PRICKLE1: variants seen among roughly 807,000 people sequenced by gnomAD.
PRICKLE1 encodes the protein prickle planar cell polarity protein 1.
A neutral mutation model predicts 70.2 loss-of-function variants in PRICKLE1; 14 were observed. The ratio of observed to expected loss-of-function variants is 0.20; its 90% CI spans 0.13 to 0.31. PRICKLE1 has a LOEUF of 0.31. Among genes scored for constraint, PRICKLE1 ranks in the 10% least tolerant of loss-of-function variants. The probability of loss-of-function intolerance (pLI) is 1.00; values close to 1 mark genes in which losing one functional copy is unlikely to be tolerated. For missense variants in PRICKLE1, 821 were observed against 1,026.2 expected, an observed-to-expected ratio of 0.80 and a Z score of 2.73; for synonymous variants, 357 against 379.9, an observed-to-expected ratio of 0.94 and a Z score of 0.70.
chr12:42,469,688 T>A, intron 3 of PRICKLE1, 101 bp from the exon 4 acceptor site: 1 of 1,490,358 alleles, frequency 6.7e-7, no homozygotes, highest in Non-Finnish European at 9.3e-7. Context: ...AACAGTAAGT[T>A]TAGCTCGCCT....
At position 42,470,246 on chromosome 12, in the gene PRICKLE1, C is replaced by A; in HGVS notation, c.246G>T (p.Glu82Asp). 1 of 1,596,208 alleles carries A rather than the reference C, an allele frequency of 6.3e-7. No homozygotes were observed. The highest frequency in any genetic ancestry group is 1.1e-5 in the South Asian group (1 of 90,722). The change falls in exon 3 of 8, where the codon GAG becomes GAT. Residue 82 changes from glutamate (E) to aspartate (D), a missense_variant and splice_region_variant. By Grantham distance (45) the Glu-to-Asp change is conservative. Coordinates refer to ENST00000345127, the MANE Select transcript of PRICKLE1 (RefSeq NM_153026.3). ...ATTAGCCTTCTTCCTGCTATTTTAC[C>A]TCATTATCATGTGGTGGTAACTGGT... ...LLYQLPPHDNEVRYCQSLSEE... is the reference protein window; with the variant it reads ...LLYQLPPHDNDVRYCQSLSEE...
Position 42,472,531 on chromosome 12 carries a change from G to T in PRICKLE1, c.-15C>A. On this transcript the variant is annotated 5_prime_UTR_variant, in exon 2 of 8. Coordinates refer to ENST00000345127, the MANE Select transcript of PRICKLE1 (RefSeq NM_153026.3). The stretch of plus-strand genomic sequence containing the variant: ...TCCAAAGGCATAAAGTTTAAAGCCT[G>T]GTTTCTCAGTCACAGGACATCAAAC... 6.2e-7 allele frequency: 1 copy of T among 1,614,036 alleles called. No homozygotes were observed. The highest frequency in any genetic ancestry group is 8.5e-7 in the Non-Finnish European group (1 of 1,179,984).
chr12:42,519,555 T>C (rs1177974252), intron 1 of PRICKLE1, among the ~76,000 whole-genome samples: 3 of 152,206 alleles, frequency 2.0e-5, no homozygotes, highest in Non-Finnish European at 4.4e-5. Context: ...ATCCAGACTT[T>C]TGTGCCTCAA....
intron 6 of PRICKLE1, chr12:42,465,519 C>A: frequency 2.0e-6 from 1 of 498,192 alleles, no homozygotes; most frequent in Non-Finnish European, 3.6e-6. Context: ...AAAATACGAA[C>A]TGAACCAACA....
chr12:42,507,860 C>T (rs901286186), intron 1 of PRICKLE1, among the ~76,000 whole-genome samples: 4 of 152,188 alleles, frequency 2.6e-5, no homozygotes, highest in Non-Finnish European at 5.9e-5. Flanking sequence ...AATTTTTCCT[C>T]ATTAGCCAGA....
chr12:42,582,772 T>C (rs139828125), intron 1 of PRICKLE1, among the ~76,000 whole-genome samples: 6 of 152,240 alleles, frequency 3.9e-5, no homozygotes, highest in Non-Finnish European at 7.3e-5. Flanking sequence ...AACACAGATT[T>C]GTAAACTTTC....
intron 2 of PRICKLE1, among the ~76,000 whole-genome samples, 181 bp downstream of exon 2, chr12:42,472,204 A>G (rs1030205642): frequency 1.2e-4 from 19 of 152,232 alleles, no homozygotes; most frequent in African/African-American, 4.6e-4. Flanking sequence ...GGAAACTTCC[A>G]TTGAGAAACT....
intron 1 of PRICKLE1, among the ~76,000 whole-genome samples, chr12:42,489,442 T>C (rs1339631476): frequency 6.7e-6 from 1 of 150,092 alleles, no homozygotes; most frequent in African/African-American, 2.4e-5. Flanking sequence ...GGCAGATCAC[T>C]TGAGGTGAGG....
chr12:42,472,239 T>G (rs1054921970), intron 2 of PRICKLE1, 146 bp downstream of exon 2: 1 of 953,524 alleles, frequency 1.0e-6, no homozygotes, highest in Non-Finnish European at 1.6e-6. Flanking sequence ...AAAGTAAAAC[T>G]TCAAAGCCAT....
intron 1 of PRICKLE1, among the ~76,000 whole-genome samples, chr12:42,501,531 G>GAA (rs1162905095): frequency 1.9e-4 from 14 of 73,428 alleles, no homozygotes; most frequent in African/African-American, 1.1e-3. Flanking sequence ...AAAAAAAAAA[G>GAA]AAAAGAAAAG....
chr12:42,578,279 C>T (rs1592043295), intron 1 of PRICKLE1, among the ~76,000 whole-genome samples: 1 of 152,106 alleles, frequency 6.6e-6, no homozygotes. Context: ...AGCTTTTCAC[C>T]CCTGGAATTT....
intron 1 of PRICKLE1, among the ~76,000 whole-genome samples, chr12:42,553,422 C>A (rs558512723): frequency 2.8e-5 from 4 of 143,806 alleles, no homozygotes; most frequent in Non-Finnish European, 6.0e-5. Context: ...CCAGCCTGGG[C>A]AACAGAGCGA....
chr12:42,459,071 A>G lies in PRICKLE1; in HGVS notation c.*738T>C. Reference sequence around the variant, plus strand: ...TGACTAAAATATAAGCAATCAGTTCATCCATAAATTCTGGTTCCCTGGCAA... The same window carrying G: ...TGACTAAAATATAAGCAATCAGTTCGTCCATAAATTCTGGTTCCCTGGCAA... On this transcript the variant is annotated 3_prime_UTR_variant, in exon 8 of 8. Transcript: ENST00000345127. 1 of 453,744 alleles carries G rather than the reference A, an allele frequency of 2.2e-6. No homozygotes were observed. Among genetic ancestry groups the G allele is most frequent in the Non-Finnish European group, 3.9e-6 (1 of 253,726 alleles). 28.1% of individuals were successfully genotyped at this position (453,744 alleles called of 1,614,324 possible). A position where few individuals can be genotyped will look rare whatever the true frequency, so the allele number is the denominator to read the frequency against.
intron 7 of PRICKLE1, among the ~76,000 whole-genome samples, chr12:42,462,214 T>A (rs981001237): frequency 6.6e-6 from 1 of 151,894 alleles, no homozygotes; most frequent in Admixed American, 6.6e-5. Context: ...TTATTTATTT[T>A]TTTTGAGACA....
At chr12:42,560,411 GGT>G (rs912786611) in intron 1 of PRICKLE1, among the ~76,000 whole-genome samples, 6 of 152,128 alleles carry the variant, frequency 3.9e-5, no homozygotes, top group Admixed American at 2.6e-4. Flanking sequence ...TGGGATTACA[GGT>G]GTGAGCCACC....
chr12:42,515,925 T>C (rs1939603126), intron 1 of PRICKLE1, among the ~76,000 whole-genome samples: 1 of 152,200 alleles, frequency 6.6e-6, no homozygotes. Context: ...TTCATGTCCT[T>C]CTGTTCAGGA....
At chr12:42,558,126 G>T (rs537196611) in intron 1 of PRICKLE1, among the ~76,000 whole-genome samples, 1 of 152,190 alleles carries the variant, frequency 6.6e-6, no homozygotes, top group African/African-American at 2.4e-5. Context: ...TTTCAATATT[G>T]TTTAACCACT....
chr12:42,588,012 C>T (rs1407928575), intron 1 of PRICKLE1, among the ~76,000 whole-genome samples: 1 of 151,988 alleles, frequency 6.6e-6, no homozygotes, highest in African/African-American at 2.4e-5. Flanking sequence ...ACAAGGCTGC[C>T]GGCTCCCAAG....
At chr12:42,511,937 C>T (rs748433806) in intron 1 of PRICKLE1, among the ~76,000 whole-genome samples, 4 of 152,116 alleles carry the variant, frequency 2.6e-5, no homozygotes, top group Non-Finnish European at 5.9e-5. Context: ...AAGAGCTTGG[C>T]TTTGCTAAGG....
Sources: gnomAD v4.1 joint callset for allele counts (sites outside exome capture counted in the v4.1 genomes callset) on GRCh38, gnomAD v4.1.1 for gene constraint, MANE v1.5 for transcripts, NCBI Gene and HGNC (gene_info 2026-07-23, HGNC 2026-07-21) for gene names.